ALKBH1: variants seen among roughly 807,000 people sequenced by gnomAD.
ALKBH1 encodes the protein alkB homolog 1, histone H2A dioxygenase.
In ALKBH1, 31 loss-of-function variants were observed where a neutral mutation model predicts 36.6. The observed-to-expected ratio is 0.85, with a 90% CI of 0.64 to 1.14. The LOEUF (loss-of-function observed/expected upper bound fraction) is 1.14. Among genes scored for constraint, ALKBH1 ranks in the 50% most tolerant of loss-of-function variants. The probability of loss-of-function intolerance (pLI) is 0.00; values close to 1 mark genes in which losing one functional copy is unlikely to be tolerated. For synonymous variants in ALKBH1, 183 were observed against 186.6 expected (o/e 0.98, Z 0.16); for missense variants, 490 against 497.3 (o/e 0.99, Z 0.14).
chr14:77,707,678 G>A, intron 1 of ALKBH1, 144 bp downstream of exon 1: 1 of 849,210 alleles, frequency 1.2e-6, no homozygotes, highest in Non-Finnish European at 1.7e-6. Flanking sequence ...GGTTAGTGGG[G>A]AGTTCGACTC....
intron 2 of ALKBH1, among the ~76,000 whole-genome samples, chr14:77,696,235 C>A (rs1310718648): frequency 6.6e-6 from 1 of 152,104 alleles, no homozygotes; most frequent in Non-Finnish European, 1.5e-5. Flanking sequence ...GTTGCCCAGG[C>A]TGGAGAACAG....
chr14:77,678,862 T>C (rs965268386), intron 4 of ALKBH1, among the ~76,000 whole-genome samples: 1 of 152,120 alleles, frequency 6.6e-6, no homozygotes, highest in South Asian at 2.1e-4. Flanking sequence ...TATCACCCAG[T>C]TGGACTGCAG....
chr14:77,692,637 T>G (rs1276339975), intron 3 of ALKBH1, among the ~76,000 whole-genome samples: 2 of 152,068 alleles, frequency 1.3e-5, no homozygotes, highest in East Asian at 3.9e-4. Flanking sequence ...CTAAAACCTT[T>G]ACCATCTGGC....
At chr14:77,694,271 A>C (rs892877443) in intron 3 of ALKBH1, among the ~76,000 whole-genome samples, 9 of 152,236 alleles carry the variant, frequency 5.9e-5, no homozygotes, top group African/African-American at 1.9e-4. Context: ...TGAATGAATG[A>C]ATGTTGAAGC....
chr14:77,683,356 C>T (rs910051026), intron 3 of ALKBH1: 22 of 749,686 alleles, frequency 2.9e-5, no homozygotes, highest in Middle Eastern at 3.6e-4. Context: ...TTTTACTACA[C>T]GTTTCAGGAA....
intron 3 of ALKBH1, among the ~76,000 whole-genome samples, chr14:77,688,694 C>T (rs1017895268): frequency 6.6e-6 from 1 of 151,856 alleles, no homozygotes; most frequent in Non-Finnish European, 1.5e-5. Flanking sequence ...ACCTCAGCTT[C>T]CCTAGTAGCT....
intron 3 of ALKBH1, among the ~76,000 whole-genome samples, chr14:77,688,675 G>A (rs544145165): frequency 8.6e-5 from 13 of 151,486 alleles, no homozygotes; most frequent in African/African-American, 2.7e-4. Flanking sequence ...ACGTTCAAGC[G>A]ATTCTCTCAC....
At chr14:77,706,202 G>C (rs1329314127) in intron 1 of ALKBH1, among the ~76,000 whole-genome samples, 4 of 151,790 alleles carry the variant, frequency 2.6e-5, no homozygotes, top group Non-Finnish European at 5.9e-5. Context: ...AATACCAAAA[G>C]TTTGCTGATG....
At position 77,678,015 on chromosome 14, in the gene ALKBH1, A is replaced by C. The variant is rs139123884; in HGVS notation, c.546+1865T>G. The stretch of plus-strand genomic sequence containing the variant: ...CAGTTTTTGGTCATTTTTACTCCCT[A>C]TTTTTCTTAGTCAATGAGGTTAACT... On this transcript the variant is annotated intron_variant, in intron 4 of 5. Transcript: ENST00000216489. Among the ~76,000 whole-genome samples, 1,197 of 121,554 alleles carry C rather than the reference A, an allele frequency of 9.8e-3. 10 individuals carry two copies. The highest frequency in any genetic ancestry group is 0.036 in the African/African-American group (1,140 of 31,510). The allele number at this position is 121,554 out of a possible 152,430, so 79.7% of individuals were successfully genotyped here.
At chr14:77,693,732 A>G (rs1004531936) in intron 3 of ALKBH1, among the ~76,000 whole-genome samples, 3 of 152,164 alleles carry the variant, frequency 2.0e-5, no homozygotes, top group African/African-American at 7.2e-5. Context: ...TCACGCCTGT[A>G]GTCTCAGCAC....
At chr14:77,680,662 ATG>A (rs2080231790) in intron 3 of ALKBH1, among the ~76,000 whole-genome samples, 1 of 144,034 alleles carries the variant, frequency 6.9e-6, no homozygotes, top group African/African-American at 2.6e-5. Flanking sequence ...GATCAAATCT[ATG>A]TGATTAACTA....
intron 3 of ALKBH1, among the ~76,000 whole-genome samples, chr14:77,682,895 C>A (rs184977678): frequency 2.6e-4 from 40 of 152,246 alleles, no homozygotes; most frequent in Middle Eastern, 3.4e-3. Flanking sequence ...TGGGGTTTCA[C>A]CATGTTGGCT....
intron 3 of ALKBH1, 56 bp downstream of exon 3, chr14:77,694,682 G>C (rs2080317123): frequency 3.6e-6 from 5 of 1,371,378 alleles, no homozygotes; most frequent in Middle Eastern, 2.4e-4. Context: ...TTCCTTCAAA[G>C]ACCTGTGATG....
chr14:77,704,326 ATGAT>A, intron 2 of ALKBH1, 39 bp downstream of exon 2: 1 of 1,369,876 alleles, frequency 7.3e-7, no homozygotes, highest in Non-Finnish European at 1.0e-6. Flanking sequence ...GAAGACATAA[ATGAT>A]TGAGTGATAT....
At position 77,673,260 on chromosome 14, in the gene ALKBH1, G is replaced by A. The variant is rs1031697338; in HGVS notation, c.*552C>T. 6 of 152,726 alleles carry A rather than the reference G, an allele frequency of 3.9e-5. No individual in the cohort carries two copies. The highest frequency in any genetic ancestry group is 1.4e-4 in the African/African-American group (6 of 41,436). The allele number at this position is 152,726 out of a possible 1,614,324, so 9.5% of individuals were successfully genotyped here. On this transcript the variant is annotated 3_prime_UTR_variant, in exon 6 of 6. Coordinates refer to ENST00000216489, the MANE Select transcript of ALKBH1 (RefSeq NM_006020.3). ...GTTGTGATTAATTTCTTTTCTAAAA[G>A]ACAAGATTTTCCAGTTCCATTGTTT...
Position 77,673,889 on chromosome 14 carries a change from T to G in ALKBH1, c.1093A>C (p.Ile365Leu), listed in dbSNP as rs372673994. 5.0e-6 allele frequency: 8 copies of G among 1,614,134 alleles called. No individual in the cohort carries two copies. Among genetic ancestry groups the G allele is most frequent in the Non-Finnish European group, 6.8e-6 (8 of 1,180,052 alleles). ...LEPIEDEKRD[I>L]STEGFCHLDD... is the part of the protein sequence containing the mutation. ...AGATGGCAGAAACCTTCTGTACTGA[T>G]GTCTCTTTTTTCATCCTCGATGGGT... Residue 365 changes from isoleucine (I) to leucine (L), a missense_variant, in exon 6 of 6, where the codon ATC (isoleucine) becomes CTC (leucine). Transcript: ENST00000216489.
At chr14:77,696,924 T>C (rs2080330583) in intron 2 of ALKBH1, 2 of 153,538 alleles carry the variant, frequency 1.3e-5, no homozygotes, top group Admixed American at 1.3e-4. Flanking sequence ...CATGAGTTGC[T>C]GTGGGAGCAC....
At chr14:77,703,233 T>G (rs1174422593) in intron 2 of ALKBH1, among the ~76,000 whole-genome samples, 1 of 152,142 alleles carries the variant, frequency 6.6e-6, no homozygotes, top group African/African-American at 2.4e-5. Flanking sequence ...TCCTCCCACC[T>G]TGGCCTTCTA....
rs138833863 is a variant in ALKBH1, at chr14:77,674,228, C to A, written c.754G>T (p.Ala252Ser). ...PLLSFSFGQS[A>S]IFLLGGLQRD... ...TGAAGACCACCCAGGAGAAAGATGG[C>A]GGACTGTCCAAAGCTACAAAAAATA... Residue 252 changes from alanine to serine, a missense_variant, in exon 6 of 6, where the codon GCC becomes TCC. Physicochemically the swap from Ala to Ser is moderately conservative, Grantham distance 99. Coordinates refer to ENST00000216489, the MANE Select transcript of ALKBH1 (RefSeq NM_006020.3). 3 of 1,599,600 alleles carry A rather than the reference C, an allele frequency of 1.9e-6. No individual in the cohort carries two copies. Among genetic ancestry groups the A allele is most frequent in the African/African-American group, 2.7e-5 (2 of 74,328 alleles).
Sources: allele counts gnomAD v4.1 joint callset (sites outside exome capture counted in the v4.1 genomes callset), GRCh38; gene constraint gnomAD v4.1.1; transcripts MANE v1.5; gene names NCBI Gene and HGNC (gene_info 2026-07-23, HGNC 2026-07-21).